Variants in TCF7L1 observed in about 807,000 individuals in gnomAD.
TCF7L1 encodes transcription factor 7 like 1.
TCF7L1 carries 18 observed loss-of-function variants against 63.7 expected under a neutral mutation model. The ratio of observed to expected loss-of-function variants is 0.28; its 90% CI spans 0.20 to 0.42. TCF7L1 has a LOEUF of 0.42. TCF7L1 is among the 10% of genes least tolerant of loss of function. The pLI is 1.00. For synonymous variants in TCF7L1, 355 were observed against 340.9 expected (o/e 1.04, Z -0.46); for missense variants, 654 against 779.3 (o/e 0.84, Z 1.91).
chr2:85,196,979 A>C, intron 3 of TCF7L1, among the ~76,000 whole-genome samples: 1 of 152,258 alleles, frequency 6.6e-6, no homozygotes, highest in Admixed American at 6.5e-5. Context: ...GCCGCAGGCC[A>C]TCCAAACTCC....
At chr2:85,279,574 A>G (rs1681363013) in intron 3 of TCF7L1, among the ~76,000 whole-genome samples, 1 of 152,136 alleles carries the variant, frequency 6.6e-6, no homozygotes, top group Admixed American at 6.5e-5. Context: ...GGTTCTGGGA[A>G]GTTCAACTGT....
intron 3 of TCF7L1, among the ~76,000 whole-genome samples, chr2:85,161,435 G>A (rs1482287647): frequency 2.3e-4 from 35 of 152,242 alleles, no homozygotes; most frequent in Admixed American, 2.3e-3. Context: ...TGAGCTGTGA[G>A]CAAGGGAGGT....
intron 3 of TCF7L1, among the ~76,000 whole-genome samples, chr2:85,188,983 G>T (rs1558628434): frequency 6.6e-6 from 1 of 151,992 alleles, no homozygotes; most frequent in Non-Finnish European, 1.5e-5. Flanking sequence ...TTATCTTTTT[G>T]GGGGGGTGTT....
chr2:85,247,185 A>G (rs920459400), intron 3 of TCF7L1, among the ~76,000 whole-genome samples: 4 of 152,232 alleles, frequency 2.6e-5, no homozygotes, highest in Non-Finnish European at 4.4e-5. Flanking sequence ...AACACAGCTT[A>G]CCAGGATACA....
rs1399152230 is a variant in TCF7L1, at chr2:85,134,419, A to G, written c.410A>G (p.Asn137Ser). The change falls in exon 3 of 12, where the codon AAC becomes AGC. Residue 137 changes from asparagine (N) to serine (S), a missense_variant. Physicochemically the swap from Asn to Ser is conservative, Grantham distance 46 (BLOSUM62 1). Around this residue, in one of 3 missense-constraint regions of TCF7L1, gnomAD observed 404 missense variants for 454.8 expected, o/e 0.89. Transcript: ENST00000282111. This position sits in a 1 kb window ranked among gnomAD's most constrained non-coding sequence, Gnocchi z 5.0. ...GACCTGAGCAGCCCGTACCTCTCCAACGGACCCCTGTCTCCCGGAGGAGCG... is the reference window on the plus strand; with the variant it reads ...GACCTGAGCAGCCCGTACCTCTCCAGCGGACCCCTGTCTCCCGGAGGAGCG... ...IPDLSSPYLS[N>S]GPLSPGGART... 3 of 1,562,362 alleles carry G rather than the reference A, an allele frequency of 1.9e-6. No individual in the cohort carries two copies. The highest frequency in any genetic ancestry group is 8.7e-7 in the Non-Finnish European group (1 of 1,153,008).
intron 3 of TCF7L1, among the ~76,000 whole-genome samples, chr2:85,206,838 A>T (rs1468003904): frequency 6.6e-6 from 1 of 152,210 alleles, no homozygotes; most frequent in Non-Finnish European, 1.5e-5. Flanking sequence ...GTCTTAGGAG[A>T]TATTTTACTC....
Position 85,163,842 on chromosome 2 carries a change from T to A in TCF7L1, c.441+29392T>A, listed in dbSNP as rs561698524. ...TGTGGATGTCTGTCTCTGTTCCTGC[T>A]TTTTATAAGGATAGCAGTCCAATTG... On this transcript the variant is annotated intron_variant, in intron 3 of 11. Coordinates refer to ENST00000282111, the MANE Select transcript of TCF7L1 (RefSeq NM_031283.3). Among the ~76,000 whole-genome samples the A allele has an allele frequency of 5.9e-5, 9 of 152,276 alleles. No individual in the cohort carries two copies. In the South Asian group the frequency reaches 1.9e-3, roughly 32 times the overall value.
intron 3 of TCF7L1, among the ~76,000 whole-genome samples, chr2:85,188,199 A>G (rs1160015729): frequency 6.6e-6 from 1 of 152,208 alleles, no homozygotes; most frequent in Non-Finnish European, 1.5e-5. Flanking sequence ...GGTACAGTTT[A>G]GTATTTTGAT....
chr2:85,249,059 T>G (rs1218007080), intron 3 of TCF7L1, among the ~76,000 whole-genome samples: 1 of 152,126 alleles, frequency 6.6e-6, no homozygotes, highest in Non-Finnish European at 1.5e-5. Context: ...CCGTCTCTTG[T>G]AAGTATCATA....
intron 4 of TCF7L1, among the ~76,000 whole-genome samples, chr2:85,298,191 C>CAAAAAAAAAAAAAAAAAAAA (rs759348807): frequency 4.5e-5 from 2 of 44,730 alleles, no homozygotes; most frequent in Non-Finnish European, 7.0e-5. Context: ...GACTCCATCT[C>CAAAAAAAAAAAAAAAAAAAA]AAAAAAAAAA....
rs376401396 is a variant in TCF7L1 at position 85,134,331 on chromosome 2, C to T, written c.322C>T (p.Pro108Ser). 120 of 1,584,176 alleles carry T rather than the reference C, an allele frequency of 7.6e-5. No homozygotes were observed. The highest frequency in any genetic ancestry group is 1.0e-4 in the Non-Finnish European group (116 of 1,164,600). The change falls in exon 3 of 12, where the codon CCT (proline) becomes TCT (serine). Residue 108 changes from proline (P) to serine (S), a missense_variant. By Grantham distance (74) the Pro-to-Ser change is moderately conservative. Around this residue, in one of 3 missense-constraint regions of TCF7L1, gnomAD observed 404 missense variants for 454.8 expected, o/e 0.89. Coordinates refer to ENST00000282111, the MANE Select transcript of TCF7L1 (RefSeq NM_031283.3). The surrounding 1 kb of genome is among the most constrained non-coding windows in gnomAD (Gnocchi z 5.0). ...PRDYFAEVRR[P>S]QDSAFFKGPP... ...CTTGGTCTTGTTCGCAGTGAGAAGG[C>T]CTCAGGACAGCGCGTTCTTTAAAGG...
intron 4 of TCF7L1, among the ~76,000 whole-genome samples, chr2:85,302,192 T>C (rs1681997351): frequency 6.6e-6 from 1 of 151,882 alleles, no homozygotes; most frequent in Non-Finnish European, 1.5e-5. Flanking sequence ...GCGCAGATCA[T>C]CCCTCAGCAG....
chr2:85,181,505 G>T (rs767333090), intron 3 of TCF7L1, among the ~76,000 whole-genome samples: 1 of 152,182 alleles, frequency 6.6e-6, no homozygotes, highest in Non-Finnish European at 1.5e-5. Flanking sequence ...GTGTGACTGT[G>T]TGGTGGCCAG....
intron 4 of TCF7L1, among the ~76,000 whole-genome samples, chr2:85,285,875 A>G (rs1681534843): frequency 6.6e-6 from 1 of 152,102 alleles, no homozygotes; most frequent in African/African-American, 2.4e-5. Flanking sequence ...TCTACTTTTC[A>G]AGAATGTTAT....
intron 3 of TCF7L1, among the ~76,000 whole-genome samples, chr2:85,201,829 G>A (rs1679278204): frequency 6.6e-6 from 1 of 152,110 alleles, no homozygotes; most frequent in Non-Finnish European, 1.5e-5. Flanking sequence ...TGTCATTGTA[G>A]TTTGGTTTAC....
chr2:85,133,788 A>G lies in TCF7L1; in HGVS notation c.104A>G (p.Asn35Ser), dbSNP rs1449162131. Residue 35 changes from asparagine (N) to serine (S), a missense_variant, in exon 1 of 12, where the codon AAC (asparagine) becomes AGC (serine). Physicochemically the swap from Asn to Ser is conservative, Grantham distance 46. This residue lies in a region of TCF7L1 where 404 missense variants were observed against 454.8 expected (regional missense o/e 0.89). Transcript: ENST00000282111. The surrounding 1 kb of genome is among the most constrained non-coding windows in gnomAD (Gnocchi z 4.4). ...GGCGGAGGGGACGACCTCGGGGCGA[A>G]CGACGAGCTGATCCCCTTCCAGGAC... ...AAGGGDDLGA[N>S]DELIPFQDEG... The G allele has an allele frequency of 2.9e-6, 4 of 1,370,824 alleles. No individual in the cohort carries two copies. Among genetic ancestry groups the G allele is most frequent in the Non-Finnish European group, 2.8e-6 (3 of 1,056,746 alleles). The allele number at this position is 1,370,824 out of a possible 1,614,324, so 84.9% of individuals were successfully genotyped here. A position where few individuals can be genotyped will look rare whatever the true frequency, so the allele number is the denominator to read the frequency against.
At chr2:85,143,160 A>G (rs557345223) in intron 3 of TCF7L1, among the ~76,000 whole-genome samples, 24 of 152,326 alleles carry the variant, frequency 1.6e-4, no homozygotes, top group Middle Eastern at 3.4e-3. Context: ...GTGTCACAGC[A>G]TTTTTGGAAA....
At chr2:85,204,885 G>GTTTTTT in intron 3 of TCF7L1, 1 of 142,350 alleles carries the variant, frequency 7.0e-6, no homozygotes, top group Non-Finnish European at 1.6e-5. Flanking sequence ...ACTTAGTTTT[G>GTTTTTT]TTTGTTTTTT....
chr2:85,158,848 C>CTTG (rs1678214879), intron 3 of TCF7L1, among the ~76,000 whole-genome samples: 1 of 152,252 alleles, frequency 6.6e-6, no homozygotes, highest in African/African-American at 2.4e-5. Flanking sequence ...GAAGGGCCTC[C>CTTG]TGGTACTGCC....
Sources: gnomAD v4.1 joint callset for allele counts (sites outside exome capture counted in the v4.1 genomes callset) on GRCh38, gnomAD v4.1.1 for gene constraint, gnomAD v4.1.1 regional missense constraint, Gnocchi (gnomAD v3.1) non-coding constraint, MANE v1.5 for transcripts, NCBI Gene and HGNC (gene_info 2026-07-23, HGNC 2026-07-21) for gene names.